The following PRKCA variants were observed in gnomAD, a reference collection of about 807,000 sequenced individuals.
PRKCA encodes protein kinase C alpha, also known as protein kinase C alpha type.
In PRKCA, 27 loss-of-function variants were observed where a neutral mutation model predicts 87.0. That is an observed-to-expected ratio of 0.31 (90% CI 0.23 to 0.43). PRKCA has a LOEUF of 0.43. Ranked by LOEUF, PRKCA falls within the 20% of genes least tolerant of loss-of-function variation. The pLI is 1.00. For missense variants in PRKCA, 518 were observed against 852.3 expected, an observed-to-expected ratio of 0.61 and a Z score of 4.88; for synonymous variants, 329 against 311.1, an observed-to-expected ratio of 1.06 and a Z score of -0.61.
rs539647458 is a variant in PRKCA at position 66,773,258 on chromosome 17, T to G, written c.1525-729T>G. Among the ~76,000 whole-genome samples, 23 of 152,372 alleles carry G rather than the reference T, an allele frequency of 1.5e-4. No homozygotes were observed. In the East Asian group the frequency reaches 4.0e-3, roughly 27 times the overall value. ...CCCAGTTGTTTCAAATTTTCTTTGT[T>G]GCAGTTGGCTCTAGATACTATATTT... On this transcript the variant is annotated intron_variant, in intron 13 of 16. Coordinates refer to ENST00000413366, the MANE Select transcript of PRKCA (RefSeq NM_002737.3).
rs115606415 is a variant in PRKCA at position 66,317,243 on chromosome 17, C to G, written c.205+11116C>G. 4.6e-5 allele frequency among the ~76,000 whole-genome samples: 7 copies of G among 152,196 alleles called. No homozygotes were observed. The South Asian group carries it at 1.2e-3, about 27-fold the overall frequency. ...TCATGATCCGTAGTTTATTCCTTCT[C>G]TCTCCATGGGCTAACCTCGGGCTGA... On this transcript the variant is annotated intron_variant, in intron 2 of 16. Transcript: ENST00000413366.
At chr17:66,373,141 G>A (rs1299439617) in intron 2 of PRKCA, among the ~76,000 whole-genome samples, 1 of 152,114 alleles carries the variant, frequency 6.6e-6, no homozygotes, top group Non-Finnish European at 1.5e-5. Context: ...CTATGAAAAT[G>A]TAGTGTATTT....
rs988809413 is a variant in PRKCA, at chr17:66,786,109, T to C, written c.1606-758T>C. On this transcript the variant is annotated intron_variant, in intron 14 of 16. Transcript: ENST00000413366. ...TCCCAAAGTGCTGGGATTACAGGCGTGAGCCACCGCGCCCGGCCTGGAGAA... is the reference window on the plus strand; with the variant it reads ...TCCCAAAGTGCTGGGATTACAGGCGCGAGCCACCGCGCCCGGCCTGGAGAA... Among the ~76,000 whole-genome samples, 7 of 152,188 alleles carry C rather than the reference T, an allele frequency of 4.6e-5. No individual in the cohort carries two copies. In the South Asian group the frequency reaches 1.5e-3, roughly 32 times the overall value.
chr17:66,411,416 A>G (rs1346563960), intron 2 of PRKCA, among the ~76,000 whole-genome samples: 1 of 152,086 alleles, frequency 6.6e-6, no homozygotes, highest in Admixed American at 6.6e-5. Flanking sequence ...TTTTAGACAC[A>G]CTTAGATGTT....
chr17:66,447,059 A>C (rs1914069128), intron 2 of PRKCA, among the ~76,000 whole-genome samples: 1 of 152,182 alleles, frequency 6.6e-6, no homozygotes, highest in Non-Finnish European at 1.5e-5. Flanking sequence ...ATAGTTCCGG[A>C]AACGCTTCGA....
chr17:66,426,230 G>C (rs1335783947), intron 2 of PRKCA, among the ~76,000 whole-genome samples: 1 of 152,128 alleles, frequency 6.6e-6, no homozygotes, highest in Non-Finnish European at 1.5e-5. Context: ...GCTGGAGTGG[G>C]GAGTGCTGGT....
intron 2 of PRKCA, among the ~76,000 whole-genome samples, chr17:66,348,135 T>C (rs1360650307): frequency 6.6e-6 from 1 of 151,728 alleles, no homozygotes; most frequent in South Asian, 2.1e-4. Flanking sequence ...AGAGATGGGG[T>C]TTCACCATGT....
chr17:66,522,303 CT>C (rs561631332), intron 3 of PRKCA, among the ~76,000 whole-genome samples: 33 of 152,202 alleles, frequency 2.2e-4, no homozygotes, highest in Admixed American at 5.2e-4. Context: ...ATAATGCCCA[CT>C]TTTTTTTCAC....
chr17:66,618,124 G>A (rs1433396144), intron 3 of PRKCA, among the ~76,000 whole-genome samples: 1 of 152,154 alleles, frequency 6.6e-6, no homozygotes, highest in Non-Finnish European at 1.5e-5. Flanking sequence ...GGAGGCCGAG[G>A]TGGGTGGATC....
At chr17:66,395,522 G>A (rs1208892910) in intron 2 of PRKCA, among the ~76,000 whole-genome samples, 1 of 152,156 alleles carries the variant, frequency 6.6e-6, no homozygotes, top group African/African-American at 2.4e-5. Flanking sequence ...CACTTGGCTA[G>A]TGGCTTTGGC....
chr17:66,626,134 A>G (rs537508916), intron 3 of PRKCA, among the ~76,000 whole-genome samples: 1 of 152,198 alleles, frequency 6.6e-6, no homozygotes, highest in Non-Finnish European at 1.5e-5. Context: ...GTTGGTTGCA[A>G]GAGCCCAAAG....
chr17:66,683,265 A>C lies in PRKCA; in HGVS notation c.530-3846A>C, dbSNP rs1972538249. 2.6e-5 allele frequency among the ~76,000 whole-genome samples: 4 copies of C among 152,232 alleles called. No individual in the cohort carries two copies. In the South Asian group the frequency reaches 8.3e-4, roughly 31 times the overall value. ...GATGTGTTTCCTTTTTAAATGATGG[A>C]TATTAAAAAGCGAGCCAATTTAAAG... On this transcript the variant is annotated intron_variant, in intron 5 of 16. Transcript: ENST00000413366.
At position 66,584,307 on chromosome 17, in the gene PRKCA, C is replaced by T. The variant is rs182416575; in HGVS notation, c.289-57048C>T. ...CTTGATCTCGGCTCACTGCAACCTC[C>T]GCCTCCTGGTTTCAAGCAGTTCTCC... On this transcript the variant is annotated intron_variant, in intron 3 of 16. Coordinates refer to ENST00000413366, the MANE Select transcript of PRKCA (RefSeq NM_002737.3). 7.1e-3 allele frequency among the ~76,000 whole-genome samples: 1,073 copies of T among 152,172 alleles called. 40 individuals are homozygous for T. The highest frequency in any genetic ancestry group is 0.059 in the Admixed American group (895 of 15,284).
intron 5 of PRKCA, chr17:66,676,659 A>G (rs531317575): frequency 1.3e-5 from 2 of 152,382 alleles, no homozygotes; most frequent in African/African-American, 4.8e-5. Flanking sequence ...GGGTTGGCCA[A>G]TTGCAACAGG....
intron 2 of PRKCA, among the ~76,000 whole-genome samples, chr17:66,392,977 G>A (rs1038700806): frequency 6.6e-6 from 1 of 152,170 alleles, no homozygotes; most frequent in South Asian, 2.1e-4. Flanking sequence ...GTGAGAGAAA[G>A]GCACTTGCAG....
chr17:66,774,644 A>T (rs1975008846), intron 14 of PRKCA: 1 of 987,496 alleles, frequency 1.0e-6, no homozygotes, highest in African/African-American at 1.7e-5. Context: ...GTGCACGTTG[A>T]TGACAGCAGT....
At chr17:66,316,865 G>A (rs78510726) in intron 2 of PRKCA, among the ~76,000 whole-genome samples, 46,218 of 151,894 alleles carry the variant, frequency 0.3, 7,444 homozygotes, top group African/African-American at 0.39. Context: ...ATCAGCAGCC[G>A]GGCGTGGTGG....
intron 3 of PRKCA, among the ~76,000 whole-genome samples, chr17:66,620,641 A>G (rs1036208011): frequency 2.6e-5 from 4 of 152,204 alleles, no homozygotes; most frequent in African/African-American, 7.2e-5. Context: ...TGCTACTGGA[A>G]GGGAATTCAG....
At position 66,701,884 on chromosome 17, in the gene PRKCA, G is replaced by T. The variant is rs773659600; in HGVS notation, c.918+12837G>T. Among the ~76,000 whole-genome samples the T allele has an allele frequency of 2.0e-5, 3 of 152,086 alleles. No individual in the cohort carries two copies. The East Asian group carries it at 5.8e-4, about 29-fold the overall frequency. On this transcript the variant is annotated intron_variant, in intron 8 of 16. Transcript: ENST00000413366. ...GGTGGGAATGTAAATTGGCATATCA[G>T]TTATGGAGAGACAGTATGGATGTCT...
Sources: allele counts gnomAD v4.1 joint callset (sites outside exome capture counted in the v4.1 genomes callset), GRCh38; gene constraint gnomAD v4.1.1; transcripts MANE v1.5; gene names NCBI Gene and HGNC (gene_info 2026-07-23, HGNC 2026-07-21).